GLRA2: variants seen among roughly 807,000 people sequenced by gnomAD.
GLRA2 encodes glycine receptor subunit alpha-2.
A neutral mutation model predicts 31.6 loss-of-function variants in GLRA2; 11 were observed. The observed-to-expected ratio is 0.35, with a 90% CI of 0.22 to 0.58. The LOEUF (loss-of-function observed/expected upper bound fraction) is 0.58, where lower values mean the gene tolerates loss of function less well. Among genes scored for constraint, GLRA2 ranks in the 20% least tolerant of loss-of-function variants. The pLI is 0.84. For synonymous variants in GLRA2, 132 were observed against 134.0 expected (o/e 0.99, Z 0.10); for missense variants, 212 against 351.8 (o/e 0.60, Z 3.18).
chrX:14,643,844 C>T (rs1374485196), intron 7 of GLRA2, among the ~76,000 whole-genome samples: 1 of 111,566 alleles, frequency 9.0e-6, no homozygotes, highest in Non-Finnish European at 1.9e-5. Flanking sequence ...GCCTAGGTGT[C>T]ACAAGGTGCT....
chrX:14,596,216 G>T (rs2090201473), intron 4 of GLRA2, among the ~76,000 whole-genome samples: 1 of 111,527 alleles, frequency 9.0e-6, no homozygotes. Flanking sequence ...AATCTGATAT[G>T]CTGCCATCGC....
At chrX:14,548,139 G>T (rs746106964) in intron 2 of GLRA2, among the ~76,000 whole-genome samples, 2 of 111,636 alleles carry the variant, frequency 1.8e-5, no homozygotes, top group South Asian at 7.5e-4. Flanking sequence ...TTCTTGAATA[G>T]AAAACAGCCA....
chrX:14,507,650 T>C, the GLRA2 span, among the ~76,000 whole-genome samples: 1 of 106,049 alleles, frequency 9.4e-6, no homozygotes, highest in Admixed American at 1.0e-4. Flanking sequence ...TGAGAAAATG[T>C]CCGACCGACC....
chrX:14,473,594 G>A, the GLRA2 span, among the ~76,000 whole-genome samples: 1 of 111,565 alleles, frequency 9.0e-6, no homozygotes, highest in Non-Finnish European at 1.9e-5. Context: ...CCCTATAAGT[G>A]TGTAAAATGC....
At chrX:14,537,344 C>A (rs767249020) in intron 2 of GLRA2, among the ~76,000 whole-genome samples, 10 of 111,297 alleles carry the variant, frequency 9.0e-5, no homozygotes, top group Non-Finnish European at 1.5e-4. Context: ...TTACTTTTCT[C>A]TGCATGCTTC....
intron 4 of GLRA2, among the ~76,000 whole-genome samples, chrX:14,595,133 G>T (rs1214184886): frequency 9.0e-6 from 1 of 110,826 alleles, no homozygotes; most frequent in Non-Finnish European, 1.9e-5. Flanking sequence ...CTTTCCCTTT[G>T]ATTTTCTTAG....
chrX:14,579,026 C>T (rs1278153898), intron 3 of GLRA2, among the ~76,000 whole-genome samples: 6 of 112,043 alleles, frequency 5.4e-5, no homozygotes, highest in Non-Finnish European at 1.1e-4. Flanking sequence ...GAATATAATT[C>T]TAGCTCCCTC....
the GLRA2 span, among the ~76,000 whole-genome samples, chrX:14,464,579 C>T: frequency 1.2e-4 from 13 of 109,908 alleles, no homozygotes; most frequent in Admixed American, 6.8e-4. Context: ...ATTTTCGAGA[C>T]GAAGTCTCGC....
At chrX:14,604,185 A>C in intron 4 of GLRA2, 130 bp from the exon 5 acceptor site, 1 of 373,914 alleles carries the variant, frequency 2.7e-6, no homozygotes, top group South Asian at 4.0e-5. Context: ...CACTGCCCTG[A>C]GTTGGAGCTT....
chrX:14,709,183 A>G, intron 8 of GLRA2, among the ~76,000 whole-genome samples: 1 of 111,056 alleles, frequency 9.0e-6, no homozygotes, highest in East Asian at 2.8e-4. Context: ...GCAGTGAGCT[A>G]TGATCACGGC....
chrX:14,575,672 G>T (rs1322466056), intron 3 of GLRA2, among the ~76,000 whole-genome samples: 1 of 110,645 alleles, frequency 9.0e-6, no homozygotes, highest in Non-Finnish European at 1.9e-5. Context: ...TATTGCCCAG[G>T]CTGGTCTCAA....
rs2091987707 is a variant in GLRA2, at chrX:14,730,951, A to AC, written c.*466_*467insC. The AC allele has an allele frequency of 3.1e-5, 3 of 97,756 alleles. No individual in the cohort carries two copies. The highest frequency in any genetic ancestry group is 1.3e-4 in the African/African-American group (3 of 23,051). The allele number at this position is 97,756 out of a possible 1,213,427, so 8.1% of individuals were successfully genotyped here. A position where few individuals can be genotyped will look rare whatever the true frequency, so the allele number is the denominator to read the frequency against. ...ACACACACACACACACACACACACA[A>AC]ACTTCAAAAATGCTTAACCATCTGA... On this transcript the variant is annotated 3_prime_UTR_variant, in exon 9 of 9. Coordinates refer to ENST00000218075, the MANE Select transcript of GLRA2 (RefSeq NM_002063.4).
At chrX:14,581,511 T>A (rs1022193764) in intron 4 of GLRA2, 105 bp downstream of exon 4, 29 of 492,526 alleles carry the variant, frequency 5.9e-5, no homozygotes, top group Admixed American at 1.0e-4. Flanking sequence ...ACTTTTGTGG[T>A]TTCTTGTTTA....
At position 14,604,299 on chromosome X, in the gene GLRA2, T is replaced by G. The variant is rs929180558; in HGVS notation, c.495-16T>G. The G allele has an allele frequency of 2.1e-5, 23 of 1,077,293 alleles. No individual in the cohort carries two copies. Among genetic ancestry groups the G allele is most frequent in the Non-Finnish European group, 2.9e-5 (23 of 783,022 alleles). 88.8% of individuals were successfully genotyped at this position (1,077,293 alleles called of 1,213,427 possible). ...AGATTTAAAAATGGTTTTTAATTTT[T>G]TTTTTGTTTGCTAAGACTCACCTTG... is the stretch of plus-strand genomic sequence containing the variant. On this transcript the variant is annotated splice_polypyrimidine_tract_variant and intron_variant, in intron 4 of 8. Transcript: ENST00000218075.
chrX:14,602,694 C>G (rs970653358), intron 4 of GLRA2, among the ~76,000 whole-genome samples: 1 of 111,900 alleles, frequency 8.9e-6, no homozygotes. Flanking sequence ...GTTTTCCATT[C>G]CTGAGTTACC....
the GLRA2 span, among the ~76,000 whole-genome samples, chrX:14,451,973 C>T: frequency 9.9e-5 from 11 of 111,081 alleles, no homozygotes; most frequent in East Asian, 1.7e-3. Flanking sequence ...AGAGCCCAGA[C>T]GAGATAAGTG....
intron 7 of GLRA2, among the ~76,000 whole-genome samples, chrX:14,644,992 CAT>C (rs1290345661): frequency 1.8e-5 from 2 of 112,011 alleles, no homozygotes; most frequent in African/African-American, 3.2e-5. Flanking sequence ...TCTCTGAAAA[CAT>C]AATACTTAAG....
chrX:14,649,203 A>G (rs1032953422), intron 7 of GLRA2, among the ~76,000 whole-genome samples: 3 of 107,837 alleles, frequency 2.8e-5, no homozygotes, highest in Non-Finnish European at 5.8e-5. Context: ...ACAGAGTGAG[A>G]CTCCGTTTTT....
chrX:14,496,433 G>A, the GLRA2 span, among the ~76,000 whole-genome samples: 1 of 111,406 alleles, frequency 9.0e-6, no homozygotes, highest in Admixed American at 9.5e-5. Flanking sequence ...CATTTTCAAT[G>A]CATTTATCAC....
Sources: gnomAD v4.1 joint callset for allele counts (sites outside exome capture counted in the v4.1 genomes callset) on GRCh38, gnomAD v4.1.1 for gene constraint, MANE v1.5 for transcripts, NCBI Gene and HGNC (gene_info 2026-07-23, HGNC 2026-07-21) for gene names.